The following GFRA1 variants were observed in gnomAD, a reference collection of about 807,000 sequenced individuals.
The protein encoded by GFRA1 is GDNF family receptor alpha-1.
In GFRA1, 16 loss-of-function variants were observed where a neutral mutation model predicts 51.6. That is an observed-to-expected ratio of 0.31 (90% CI 0.21 to 0.47). The LOEUF (loss-of-function observed/expected upper bound fraction) is 0.47. GFRA1 is among the 20% of genes least tolerant of loss of function. GFRA1 has a pLI of 1.00. For missense variants in GFRA1, 530 were observed against 594.3 expected (o/e 0.89, Z 1.13); for synonymous variants, 270 against 241.3 (o/e 1.12, Z -1.10).
chr10:116,198,199 C>T (rs914425557), intron 5 of GFRA1, among the ~76,000 whole-genome samples: 4 of 151,872 alleles, frequency 2.6e-5, no homozygotes, highest in African/African-American at 4.8e-5. Context: ...CGCCCCCACA[C>T]GATACAGGTG....
At chr10:116,201,551 A>C (rs1398265998) in intron 5 of GFRA1, among the ~76,000 whole-genome samples, 2 of 151,936 alleles carry the variant, frequency 1.3e-5, no homozygotes, top group African/African-American at 4.8e-5. Flanking sequence ...CTGCCCAATT[A>C]GACATTCAGT....
At chr10:116,255,932 C>G (rs1028742031) in intron 4 of GFRA1, 2 of 158,160 alleles carry the variant, frequency 1.3e-5, no homozygotes, top group African/African-American at 4.8e-5. Flanking sequence ...CAGAAGACAT[C>G]TGCGTGCACT....
At chr10:116,194,139 A>G (rs1963531852) in intron 5 of GFRA1, among the ~76,000 whole-genome samples, 1 of 151,936 alleles carries the variant, frequency 6.6e-6, no homozygotes, top group South Asian at 2.1e-4. Flanking sequence ...TGAGTTACTA[A>G]TACTTTGCAG....
At chr10:116,178,263 G>A (rs1961830497) in intron 5 of GFRA1, among the ~76,000 whole-genome samples, 1 of 143,512 alleles carries the variant, frequency 7.0e-6, no homozygotes, top group Non-Finnish European at 1.5e-5. Context: ...GCTGTGCCAA[G>A]AGCCCTTCCC....
intron 4 of GFRA1, among the ~76,000 whole-genome samples, chr10:116,239,774 T>A (rs567834532): frequency 6.6e-6 from 1 of 152,348 alleles, no homozygotes; most frequent in East Asian, 1.9e-4. Context: ...AGATAATTTA[T>A]ACTTGGGTTT....
At position 116,255,820 on chromosome 10, in the gene GFRA1, CA is replaced by C. The variant is rs1360919845; in HGVS notation, c.418+13682del. The C allele has an allele frequency of 4.4e-6, 5 of 1,136,488 alleles. No homozygotes were observed. The East Asian group carries it at 3.0e-4, about 68-fold the overall frequency. The allele number at this position is 1,136,488 out of a possible 1,614,324, so 70.4% of individuals were successfully genotyped here. A position where few individuals can be genotyped will look rare whatever the true frequency, so the allele number is the denominator to read the frequency against. On this transcript the variant is annotated intron_variant, in intron 4 of 10. Transcript: ENST00000355422. ...CATTCCCTGGCACACAGTCAGTTCG[CA>C]AAAAACCTGAGTTACTGCTTAAGTG...
At chr10:116,256,890 C>A (rs966786794) in intron 4 of GFRA1, among the ~76,000 whole-genome samples, 1 of 152,222 alleles carries the variant, frequency 6.6e-6, no homozygotes, top group African/African-American at 2.4e-5. Flanking sequence ...GGCTGGACAG[C>A]ACCATCCCTC....
At chr10:116,086,421 AGCTAAGC>A (rs1312045099) in intron 9 of GFRA1, among the ~76,000 whole-genome samples, 8 of 152,232 alleles carry the variant, frequency 5.3e-5, no homozygotes, top group Admixed American at 5.2e-4. Flanking sequence ...CAACTCCGGC[AGCTAAGC>A]CATATATGTG....
chr10:116,085,808 C>T (rs1292105605), intron 9 of GFRA1, among the ~76,000 whole-genome samples: 1 of 152,190 alleles, frequency 6.6e-6, no homozygotes, highest in Non-Finnish European at 1.5e-5. Context: ...CCTATGTTGT[C>T]TCCTGGAATT....
chr10:116,126,054 A>G (rs1029959308), intron 5 of GFRA1, among the ~76,000 whole-genome samples: 2 of 152,240 alleles, frequency 1.3e-5, no homozygotes, highest in African/African-American at 2.4e-5. Flanking sequence ...ATTTGAGCCC[A>G]GAAGACAAAA....
intron 4 of GFRA1, among the ~76,000 whole-genome samples, chr10:116,259,055 G>A (rs780373608): frequency 3.9e-5 from 6 of 152,164 alleles, no homozygotes; most frequent in Non-Finnish European, 7.3e-5. Context: ...TATTCAAAAC[G>A]CGTAGTAACA....
intron 5 of GFRA1, among the ~76,000 whole-genome samples, chr10:116,189,062 C>T (rs567127671): frequency 6.7e-6 from 1 of 149,652 alleles, no homozygotes; most frequent in South Asian, 2.1e-4. Context: ...CCAGGCCATC[C>T]TGGCCAACAC....
In GFRA1 at chr10:116,093,794, C is replaced by A. The variant is rs761924829; in HGVS notation, c.923G>T (p.Ser308Ile). The A allele has an allele frequency of 6.2e-7, 1 of 1,614,014 alleles. No individual in the cohort carries two copies. Among genetic ancestry groups the A allele is most frequent in the South Asian group, 1.1e-5 (1 of 91,076 alleles). Residue 308 changes from serine to isoleucine, a missense_variant, in exon 8 of 11, where the codon AGT becomes ATT. By Grantham distance (142) the Ser-to-Ile change is moderately radical (BLOSUM62 -2). Coordinates refer to ENST00000355422, the MANE Select transcript of GFRA1 (RefSeq NM_005264.8). ...GCTGCAGTCACACCATGGGGCCACA[C>A]TGAGGCTACTGGAGTCTATGTAGTT... ...TPNYIDSSSL[S>I]VAPWCDCSNS...
chr10:116,094,880 G>T (rs1956508022), intron 7 of GFRA1, among the ~76,000 whole-genome samples: 1 of 152,204 alleles, frequency 6.6e-6, no homozygotes, highest in African/African-American at 2.4e-5. Flanking sequence ...CACTAGGGGA[G>T]GAGGTTAAGG....
chr10:116,120,649 C>A (rs1366219584), intron 6 of GFRA1, among the ~76,000 whole-genome samples: 1 of 152,158 alleles, frequency 6.6e-6, no homozygotes, highest in East Asian at 1.9e-4. Flanking sequence ...AACATACTGC[C>A]AGAAAACGTA....
At chr10:116,192,856 A>G (rs1963394637) in intron 5 of GFRA1, among the ~76,000 whole-genome samples, 2 of 152,196 alleles carry the variant, frequency 1.3e-5, no homozygotes, top group Admixed American at 1.3e-4. Flanking sequence ...AAGGCTGGGG[A>G]AACAGAGGCA....
Position 116,099,359 on chromosome 10 carries a change from T to C in GFRA1, c.771-2595A>G, listed in dbSNP as rs113269039. On this transcript the variant is annotated intron_variant, in intron 6 of 10. Transcript: ENST00000355422. ...TAAATATTTACTGGCACGTCTCTAT[T>C]TAAGAACCAGTATGATGTTAGTAAA... Among the ~76,000 whole-genome samples the C allele has an allele frequency of 4.5e-3, 682 of 152,310 alleles. 1 individual carries two copies. The highest frequency in any genetic ancestry group is 7.3e-3 in the Non-Finnish European group (497 of 68,022).
intron 5 of GFRA1, among the ~76,000 whole-genome samples, chr10:116,126,393 G>T (rs1230822036): frequency 6.6e-6 from 1 of 152,228 alleles, no homozygotes; most frequent in South Asian, 2.1e-4. Context: ...TGTCCACACC[G>T]CCTGCCCTCT....
chr10:116,119,837 G>A (rs941602931), intron 6 of GFRA1, among the ~76,000 whole-genome samples: 1 of 152,228 alleles, frequency 6.6e-6, no homozygotes, highest in African/African-American at 2.4e-5. Context: ...TTCGCTGCAT[G>A]GTTTTATGAC....
Sources: gnomAD v4.1 joint callset for allele counts (sites outside exome capture counted in the v4.1 genomes callset) on GRCh38, gnomAD v4.1.1 for gene constraint, MANE v1.5 for transcripts, NCBI Gene and HGNC (gene_info 2026-07-23, HGNC 2026-07-21) for gene names.